CDC42SE2: variants seen among roughly 807,000 people sequenced by gnomAD.
The protein encoded by CDC42SE2 is CDC42 small effector 2, also known as CDC42 small effector protein 2.
A neutral mutation model predicts 11.5 loss-of-function variants in CDC42SE2; 3 were observed. That is an observed-to-expected ratio of 0.26 (90% confidence interval 0.12 to 0.67). The LOEUF (loss-of-function observed/expected upper bound fraction) is 0.67, where lower values mean the gene tolerates loss of function less well. Ranked by LOEUF, CDC42SE2 falls within the 30% of genes least tolerant of loss-of-function variation. The pLI is 0.80. For synonymous variants in CDC42SE2, 33 were observed against 34.8 expected (o/e 0.95, Z 0.18); for missense variants, 82 against 106.8 (o/e 0.77, Z 1.02).
the CDC42SE2 span, among the ~76,000 whole-genome samples, chr5:131,228,028 G>A: frequency 0.039 from 5,954 of 152,268 alleles, 161 homozygotes; most frequent in Non-Finnish European, 0.06. Context: ...AGACCTTGGC[G>A]AAACTCCATC....
At chr5:131,300,441 T>G (rs980181921) in intron 1 of CDC42SE2, among the ~76,000 whole-genome samples, 10 of 152,136 alleles carry the variant, frequency 6.6e-5, no homozygotes, top group Admixed American at 5.2e-4. Context: ...GGTGACCATA[T>G]AATTTATCAT....
intron 4 of CDC42SE2, among the ~76,000 whole-genome samples, chr5:131,389,401 A>T (rs1447842677): frequency 6.6e-6 from 1 of 152,212 alleles, no homozygotes; most frequent in Non-Finnish European, 1.5e-5. Context: ...CATTTTATTA[A>T]TCTGACTATT....
intron 1 of CDC42SE2, among the ~76,000 whole-genome samples, chr5:131,273,095 C>T (rs937530264): frequency 6.6e-6 from 1 of 151,416 alleles, no homozygotes; most frequent in African/African-American, 2.4e-5. Context: ...TTTTAGTCCC[C>T]TGTGATCTCA....
rs755719581 is a variant in CDC42SE2 at position 131,394,155 on chromosome 5, G to A, written c.*3064G>A. On this transcript the variant is annotated 3_prime_UTR_variant, in exon 5 of 5. Transcript: ENST00000505065. ...TAGCAGCATATCTCATTTTTAAATT[G>A]AAGCGAATTAAATAGGATTTTACTA... is the stretch of plus-strand genomic sequence containing the variant. 14 of 152,228 alleles carry A rather than the reference G, an allele frequency of 9.2e-5. No homozygotes were observed. The highest frequency in any genetic ancestry group is 1.7e-4 in the African/African-American group (7 of 41,402). 9.4% of individuals were successfully genotyped at this position (152,228 alleles called of 1,614,324 possible).
intron 1 of CDC42SE2, among the ~76,000 whole-genome samples, chr5:131,268,890 A>G (rs1012718750): frequency 1.3e-5 from 2 of 150,088 alleles, no homozygotes; most frequent in African/African-American, 4.9e-5. Flanking sequence ...AGCAGGGACT[A>G]CAGGCGTGTG....
intron 3 of CDC42SE2, among the ~76,000 whole-genome samples, chr5:131,380,589 G>A (rs1322198350): frequency 6.6e-6 from 1 of 152,186 alleles, no homozygotes; most frequent in Non-Finnish European, 1.5e-5. Context: ...GTAGGAAAGA[G>A]TGTAAAGAAC....
At chr5:131,310,791 G>A (rs545247610) in intron 1 of CDC42SE2, among the ~76,000 whole-genome samples, 35 of 151,866 alleles carry the variant, frequency 2.3e-4, no homozygotes, top group Non-Finnish European at 4.4e-4. Flanking sequence ...TTTTCCATTT[G>A]TTTGGTAGAG....
the CDC42SE2 span, among the ~76,000 whole-genome samples, chr5:131,220,759 T>C: frequency 6.6e-6 from 1 of 152,174 alleles, no homozygotes; most frequent in African/African-American, 2.4e-5. Flanking sequence ...TATGGCCTGA[T>C]TACTAGAGCA....
the CDC42SE2 span, among the ~76,000 whole-genome samples, chr5:131,227,644 C>T: frequency 5.9e-5 from 9 of 152,116 alleles, no homozygotes; most frequent in Non-Finnish European, 7.4e-5. Context: ...AGTATAAAAA[C>T]GAAAAGTTCT....
intron 1 of CDC42SE2, among the ~76,000 whole-genome samples, chr5:131,296,427 CAG>C (rs910422168): frequency 6.6e-6 from 1 of 152,186 alleles, no homozygotes; most frequent in African/African-American, 2.4e-5. Flanking sequence ...AGTCCAAAAT[CAG>C]GGTGTCAACA....
At chr5:131,384,328 T>C (rs1450870835) in intron 3 of CDC42SE2, among the ~76,000 whole-genome samples, 1 of 152,230 alleles carries the variant, frequency 6.6e-6, no homozygotes, top group African/African-American at 2.4e-5. Flanking sequence ...GTTTTCACCC[T>C]GAGGAGCTGT....
chr5:131,256,150 A>C (rs1236042423), intron 2 of CDC42SE2, among the ~76,000 whole-genome samples: 1 of 152,210 alleles, frequency 6.6e-6, no homozygotes, highest in African/African-American at 2.4e-5. Context: ...GTTACTTCAA[A>C]ATAATGTCAC....
chr5:131,354,989 T>C (rs1749491138), intron 2 of CDC42SE2, among the ~76,000 whole-genome samples: 1 of 152,154 alleles, frequency 6.6e-6, no homozygotes, highest in Non-Finnish European at 1.5e-5. Context: ...AGCCAGAATT[T>C]TTTGAATACT....
At chr5:131,228,991 G>C in the CDC42SE2 span, among the ~76,000 whole-genome samples, 1 of 152,146 alleles carries the variant, frequency 6.6e-6, no homozygotes, top group Non-Finnish European at 1.5e-5. Flanking sequence ...GTATTTTGTT[G>C]GGGCAGCTGG....
intron 3 of CDC42SE2, among the ~76,000 whole-genome samples, chr5:131,376,202 G>T (rs1379775737): frequency 6.6e-6 from 1 of 150,500 alleles, no homozygotes; most frequent in African/African-American, 2.5e-5. Flanking sequence ...TTGCACCACC[G>T]CACTCCAACC....
chr5:131,249,484 T>C (rs1756622884), intron 1 of CDC42SE2, among the ~76,000 whole-genome samples: 1 of 152,190 alleles, frequency 6.6e-6, no homozygotes. Flanking sequence ...CATAAATGTT[T>C]GATATATGAT....
intron 1 of CDC42SE2, among the ~76,000 whole-genome samples, chr5:131,312,367 T>A (rs1757940387): frequency 6.6e-6 from 1 of 152,156 alleles, no homozygotes; most frequent in African/African-American, 2.4e-5. Context: ...CAGGGACATT[T>A]AAGTCTGCAG....
Position 131,393,553 on chromosome 5 carries a change from C to G in CDC42SE2, c.*2462C>G, listed in dbSNP as rs988715962. 5.9e-5 allele frequency: 9 copies of G among 152,348 alleles called. No individual in the cohort carries two copies. Among genetic ancestry groups the G allele is most frequent in the African/African-American group, 2.2e-4 (9 of 41,462 alleles). The allele number at this position is 152,348 out of a possible 1,614,324, so 9.4% of individuals were successfully genotyped here. The stretch of plus-strand genomic sequence containing the variant: ...GTGGATGTTGCATTGTGGAATTTGC[C>G]TGAGTACTGTTGTCATTCTGCTCAG... On this transcript the variant is annotated 3_prime_UTR_variant, in exon 5 of 5. Transcript: ENST00000505065.
chr5:131,339,108 C>T (rs914632670), intron 2 of CDC42SE2, among the ~76,000 whole-genome samples: 4 of 151,516 alleles, frequency 2.6e-5, no homozygotes, highest in South Asian at 2.1e-4. Flanking sequence ...ATTAGCTGGG[C>T]GTAGTGGTGC....
Sources: gnomAD v4.1 joint callset for allele counts (sites outside exome capture counted in the v4.1 genomes callset) on GRCh38, gnomAD v4.1.1 for gene constraint, MANE v1.5 for transcripts, NCBI Gene and HGNC (gene_info 2026-07-23, HGNC 2026-07-21) for gene names.